Variants in MDGA2 observed in about 807,000 individuals in gnomAD.
MDGA2 encodes the protein MAM domain-containing glycosylphosphatidylinositol anchor protein 2.
In MDGA2, 40 loss-of-function variants were observed where a neutral mutation model predicts 117.8. The observed-to-expected ratio is 0.34, with a 90% CI of 0.26 to 0.44. MDGA2 has a LOEUF of 0.44. MDGA2 is among the 20% of genes least tolerant of loss of function. The probability of loss-of-function intolerance (pLI) is 1.00; values close to 1 mark genes in which losing one functional copy is unlikely to be tolerated. For missense variants in MDGA2, 1,123 were observed against 1,250.6 expected, an observed-to-expected ratio of 0.90 and a Z score of 1.54; for synonymous variants, 452 against 439.0, an observed-to-expected ratio of 1.03 and a Z score of -0.37.
chr14:46,920,199 T>C (rs1209569460), intron 9 of MDGA2, 39 bp from the exon 10 acceptor site: 1 of 1,584,826 alleles, frequency 6.3e-7, no homozygotes, highest in Non-Finnish European at 8.6e-7. Context: ...AATGATGACA[T>C]ATTGTAGTGT....
chr14:47,099,831 C>G (rs888855413), intron 5 of MDGA2, among the ~76,000 whole-genome samples: 1 of 151,950 alleles, frequency 6.6e-6, no homozygotes, highest in Non-Finnish European at 1.5e-5. Flanking sequence ...ATTTAACATG[C>G]GTAATCTGAA....
intron 2 of MDGA2, among the ~76,000 whole-genome samples, chr14:47,221,035 T>C: frequency 6.6e-6 from 1 of 152,186 alleles, no homozygotes; most frequent in South Asian, 2.1e-4. Context: ...AAGCATATTG[T>C]GGTGGGCAGT....
At chr14:47,043,295 T>A (rs1027223713) in intron 7 of MDGA2, among the ~76,000 whole-genome samples, 1 of 152,090 alleles carries the variant, frequency 6.6e-6, no homozygotes, top group Non-Finnish European at 1.5e-5. Context: ...TACAGCTCAT[T>A]TCTTATTAAA....
chr14:47,261,099 G>T (rs1413385973), intron 2 of MDGA2, among the ~76,000 whole-genome samples: 1 of 152,040 alleles, frequency 6.6e-6, no homozygotes, highest in Non-Finnish European at 1.5e-5. Context: ...GCTTAAGAGG[G>T]TTCAGAGGGT....
chr14:47,649,477 T>C (rs1897596521), intron 1 of MDGA2, among the ~76,000 whole-genome samples: 1 of 152,036 alleles, frequency 6.6e-6, no homozygotes. Flanking sequence ...TTATACAGCA[T>C]AGCCTGGGAG....
rs78742146 is a variant in MDGA2, at chr14:46,896,879, C to A, written c.2239-14658G>T. The stretch of plus-strand genomic sequence containing the variant: ...TTAGCAGTGCTGTATTTCTGAGCAT[C>A]CCTCCAAATTAGGTGTGGTCATATG... On this transcript the variant is annotated intron_variant, in intron 10 of 16. Transcript: ENST00000399232. Among the ~76,000 whole-genome samples the A allele has an allele frequency of 2.7e-3, 416 of 152,272 alleles. 2 individuals carry two copies. Among genetic ancestry groups the A allele is most frequent in the African/African-American group, 9.7e-3 (402 of 41,556 alleles).
At chr14:47,630,704 T>G (rs1429904443) in intron 1 of MDGA2, among the ~76,000 whole-genome samples, 1 of 152,204 alleles carries the variant, frequency 6.6e-6, no homozygotes, top group Non-Finnish European at 1.5e-5. Context: ...TAAGGACATC[T>G]AGAGTATCTA....
At position 47,566,564 on chromosome 14, in the gene MDGA2, C is replaced by T. The variant is rs139637803; in HGVS notation, c.280+107953G>A. 9.4e-3 allele frequency among the ~76,000 whole-genome samples: 1,432 copies of T among 152,316 alleles called. 10 individuals carry two copies. Among genetic ancestry groups the T allele is most frequent in the Middle Eastern group, 0.078 (23 of 294 alleles). ...TGCTGGAGTCTTGCACTTGTCACTT[C>T]TCTAAGTAGCTCTTCCTGCCAGTTT... On this transcript the variant is annotated intron_variant, in intron 1 of 16. Coordinates refer to ENST00000399232, the MANE Select transcript of MDGA2 (RefSeq NM_001113498.3).
intron 1 of MDGA2, among the ~76,000 whole-genome samples, chr14:47,673,987 T>C (rs1566569588): frequency 6.6e-6 from 1 of 151,436 alleles, no homozygotes; most frequent in Non-Finnish European, 1.5e-5. Context: ...TCAGTGCTCA[T>C]GGCAACCGCT....
At chr14:47,128,684 C>T (rs956107198) in intron 5 of MDGA2, among the ~76,000 whole-genome samples, 2 of 150,622 alleles carry the variant, frequency 1.3e-5, no homozygotes, top group Admixed American at 1.3e-4. Context: ...TTTTCTGCAA[C>T]ATAATTTCCA....
In MDGA2 at chr14:47,203,195, C is replaced by T. The variant is rs1347095944; in HGVS notation, c.595+14826G>A. On this transcript the variant is annotated intron_variant, in intron 3 of 16. Transcript: ENST00000399232. ...AGCATTTCATTAATCTAATATTTGG[C>T]ACTAGTTTCCCCAAAGAGATCACTC... 2.0e-5 allele frequency among the ~76,000 whole-genome samples: 3 copies of T among 151,934 alleles called. No individual in the cohort carries two copies. In the East Asian group the frequency reaches 5.8e-4, roughly 29 times the overall value.
intron 11 of MDGA2, among the ~76,000 whole-genome samples, chr14:46,880,174 C>T (rs1882388131): frequency 6.6e-6 from 1 of 151,588 alleles, no homozygotes; most frequent in African/African-American, 2.4e-5. Flanking sequence ...AACATACAAA[C>T]ATTAGCTGGG....
intron 8 of MDGA2, among the ~76,000 whole-genome samples, chr14:46,996,102 T>A (rs951588611): frequency 6.6e-6 from 1 of 152,168 alleles, no homozygotes; most frequent in Admixed American, 6.6e-5. Flanking sequence ...AGCAGCATCC[T>A]GGGAGATATG....
intron 1 of MDGA2, among the ~76,000 whole-genome samples, chr14:47,477,527 T>C (rs1262941706): frequency 2.0e-5 from 3 of 152,198 alleles, no homozygotes; most frequent in Admixed American, 6.5e-5. Flanking sequence ...CATTTATGAA[T>C]CTAACTCTGA....
intron 1 of MDGA2, among the ~76,000 whole-genome samples, chr14:47,637,325 C>A (rs1302740620): frequency 1.3e-5 from 2 of 152,102 alleles, no homozygotes. Flanking sequence ...TGTTAAGATA[C>A]CCACAGTTAT....
intron 8 of MDGA2, among the ~76,000 whole-genome samples, chr14:46,995,221 T>C (rs545092685): frequency 2.0e-5 from 3 of 152,286 alleles, no homozygotes; most frequent in African/African-American, 7.2e-5. Flanking sequence ...TTACTATTAC[T>C]GGCTATCACA....
chr14:47,339,861 C>T (rs1347069538), intron 1 of MDGA2, among the ~76,000 whole-genome samples: 4 of 152,106 alleles, frequency 2.6e-5, no homozygotes, highest in African/African-American at 9.7e-5. Context: ...GGCTAACTTA[C>T]ATTTACATAA....
chr14:47,200,842 T>C, intron 3 of MDGA2: 1 of 827,980 alleles, frequency 1.2e-6, no homozygotes, highest in South Asian at 1.4e-5. Context: ...CCATCCATTT[T>C]TTCTTGTCAT....
chr14:47,456,598 C>T (rs938179295), intron 1 of MDGA2, among the ~76,000 whole-genome samples: 3 of 151,870 alleles, frequency 2.0e-5, no homozygotes, highest in African/African-American at 4.8e-5. Context: ...CCACCATGCC[C>T]GGCCAATTGT....
Sources: allele counts gnomAD v4.1 joint callset (sites outside exome capture counted in the v4.1 genomes callset), GRCh38; gene constraint gnomAD v4.1.1; transcripts MANE v1.5; gene names NCBI Gene and HGNC (gene_info 2026-07-23, HGNC 2026-07-21).